PLXNC1: variants seen among roughly 807,000 people sequenced by gnomAD.
The protein encoded by PLXNC1 is plexin-C1.
In PLXNC1, 75 loss-of-function variants were observed where a neutral mutation model predicts 178.2. The ratio of observed to expected loss-of-function variants is 0.42; its 90% confidence interval spans 0.35 to 0.51. PLXNC1 has a LOEUF of 0.51. PLXNC1 is among the 20% of genes least tolerant of loss of function. The pLI, the probability that PLXNC1 is intolerant of heterozygous loss-of-function variation, is 0.02. For synonymous variants in PLXNC1, 790 were observed against 779.9 expected, an observed-to-expected ratio of 1.01 and a Z score of -0.22; for missense variants, 1,503 against 1,984.4, an observed-to-expected ratio of 0.76 and a Z score of 4.61.
At chr12:94,281,207 A>G (rs1311942793) in intron 22 of PLXNC1, among the ~76,000 whole-genome samples, 1 of 152,150 alleles carries the variant, frequency 6.6e-6, no homozygotes, top group Non-Finnish European at 1.5e-5. Context: ...TGAACCCGGG[A>G]GGCAGAGGTT....
Position 94,245,866 on chromosome 12 carries a change from C to G in PLXNC1, c.2388+1841C>G, listed in dbSNP as rs116699811. On this transcript the variant is annotated intron_variant, in intron 12 of 30. Transcript: ENST00000258526. ...AGCAGCGTCAGACTGAAAACTTTGC[C>G]CTTAATTCTGTAGGCAGCAGGGAGC... Among the ~76,000 whole-genome samples, 577 of 152,236 alleles carry G rather than the reference C, an allele frequency of 3.8e-3. 7 individuals are homozygous for G. Among genetic ancestry groups the G allele is most frequent in the African/African-American group, 0.012 (482 of 41,526 alleles).
intron 1 of PLXNC1, among the ~76,000 whole-genome samples, chr12:94,154,273 T>C (rs10745677): frequency 0.85 from 128,931 of 152,200 alleles, 54,650 homozygotes; most frequent in East Asian, 0.97. Context: ...GTTCCATAGC[T>C]GGAAAATAGC....
Position 94,160,195 on chromosome 12 carries a change from T to C in PLXNC1, c.1063-8958T>C, listed in dbSNP as rs552724533. 2.6e-3 allele frequency among the ~76,000 whole-genome samples: 401 copies of C among 152,286 alleles called. 3 individuals are homozygous for C. The highest frequency in any genetic ancestry group is 9.4e-3 in the African/African-American group (392 of 41,552). On this transcript the variant is annotated intron_variant, in intron 1 of 30. Transcript: ENST00000258526. ...GTGCACTGAGGGGAGTAGCCAGGTC[T>C]GGCTCATCTTTCTTTCCCAGGCATC...
chr12:94,216,994 G>A (rs865973077), intron 5 of PLXNC1, among the ~76,000 whole-genome samples: 8 of 152,084 alleles, frequency 5.3e-5, no homozygotes, highest in Admixed American at 2.0e-4. Context: ...CCCAAGTTAC[G>A]CAAAAATACC....
Position 94,220,151 on chromosome 12 carries a change from G to A in PLXNC1, c.1690G>A (p.Ala564Thr), listed in dbSNP as rs115551386. Residue 564 changes from alanine to threonine, a missense_variant, in exon 6 of 31, where the codon GCA becomes ACA. This residue lies in a region of PLXNC1 where 615 missense variants were observed against 698.6 expected (regional missense o/e 0.88). Transcript: ENST00000258526. ...CTGCACCTGTAGCATCCCAACCAGA[G>A]CAACCTACAAAGGTATGTGGATTCT... ...RTCTCSIPTR[A>T]TYKDVSVVNV... The A allele has an allele frequency of 6.2e-7, 1 of 1,613,734 alleles. No individual in the cohort carries two copies. Among genetic ancestry groups the A allele is most frequent in the Non-Finnish European group, 8.5e-7 (1 of 1,179,840 alleles).
intron 10 of PLXNC1, 127 bp from the exon 11 acceptor site, chr12:94,240,358 G>T (rs1445839688): frequency 1.0e-5 from 7 of 686,764 alleles, no homozygotes; most frequent in African/African-American, 5.5e-5. Context: ...GTCAGTAGTT[G>T]CCTGCAGCTG....
chr12:94,289,647 A>C (rs1264776713), intron 23 of PLXNC1, among the ~76,000 whole-genome samples: 1 of 152,206 alleles, frequency 6.6e-6, no homozygotes, highest in Non-Finnish European at 1.5e-5. Context: ...TCTGCATTCC[A>C]GGGCACTTTT....
chr12:94,277,250 T>A (rs1966033292), intron 21 of PLXNC1: 1 of 152,248 alleles, frequency 6.6e-6, no homozygotes, highest in African/African-American at 2.4e-5. Context: ...ATAAGGGCAC[T>A]AATCCCATTT....
chr12:94,259,726 G>A lies in PLXNC1; in HGVS notation c.3243G>A (p.Val1081=). ...TTGAAAAGCAGAAGAACTTTTCTGTGAAGGACAGGTATTAGTCCATTCTTT... is the reference window on the plus strand; with the variant it reads ...TTGAAAAGCAGAAGAACTTTTCTGTAAAGGACAGGTATTAGTCCATTCTTT... ...HTLEKQKNFS[V]KDRCLFASFL... is the part of the protein sequence containing the mutation. Residue 1081 remains valine (V), a synonymous_variant, in exon 19 of 31, where the codon GTG becomes GTA. Coordinates refer to ENST00000258526, the MANE Select transcript of PLXNC1 (RefSeq NM_005761.3). 1 of 1,608,158 alleles carries A rather than the reference G, an allele frequency of 6.2e-7. No individual in the cohort carries two copies. Among genetic ancestry groups the A allele is most frequent in the Non-Finnish European group, 8.5e-7 (1 of 1,177,830 alleles).
At chr12:94,240,866 C>A (rs1466465088) in intron 11 of PLXNC1, among the ~76,000 whole-genome samples, 1 of 152,204 alleles carries the variant, frequency 6.6e-6, no homozygotes, top group Non-Finnish European at 1.5e-5. Flanking sequence ...TATGAGCACA[C>A]CTTTTTCCCT....
chr12:94,297,114 T>C, intron 24 of PLXNC1, 75 bp from the exon 25 acceptor site: 1 of 1,469,746 alleles, frequency 6.8e-7, no homozygotes, highest in Non-Finnish European at 9.5e-7. Context: ...ATGGGGCCTT[T>C]TAAGAGAAGG....
intron 21 of PLXNC1, among the ~76,000 whole-genome samples, chr12:94,274,073 C>A (rs957884944): frequency 1.4e-5 from 2 of 145,836 alleles, no homozygotes; most frequent in African/African-American, 5.2e-5. Flanking sequence ...GTAATCCCAG[C>A]ACTTTGGGAA....
chr12:94,157,471 T>C (rs1036745229), intron 1 of PLXNC1, among the ~76,000 whole-genome samples: 1 of 152,222 alleles, frequency 6.6e-6, no homozygotes, highest in African/African-American at 2.4e-5. Context: ...GGCCATGGAA[T>C]GGTAGGTTTT....
intron 9 of PLXNC1, among the ~76,000 whole-genome samples, chr12:94,230,397 A>T (rs73366620): frequency 6.6e-6 from 1 of 152,122 alleles, no homozygotes; most frequent in African/African-American, 2.4e-5. Flanking sequence ...ATCTCTCTGC[A>T]CCCTTTGAAC....
chr12:94,259,891 T>A (rs1268184729), intron 19 of PLXNC1, among the ~76,000 whole-genome samples, 157 bp downstream of exon 19: 1 of 139,834 alleles, frequency 7.2e-6, no homozygotes, highest in East Asian at 2.0e-4. Flanking sequence ...AGCAAAACCT[T>A]GTCTCTACAA....
intron 4 of PLXNC1, among the ~76,000 whole-genome samples, chr12:94,196,519 T>C (rs1468892761): frequency 6.6e-6 from 1 of 152,180 alleles, no homozygotes; most frequent in Non-Finnish European, 1.5e-5. Flanking sequence ...GTACAGCCTG[T>C]AAAATCATGA....
intron 20 of PLXNC1, among the ~76,000 whole-genome samples, chr12:94,263,962 G>A (rs973609435): frequency 4.0e-5 from 6 of 151,366 alleles, no homozygotes; most frequent in Admixed American, 3.9e-4. Flanking sequence ...AGGGAAAGCA[G>A]GTGAGACCCA....
intron 23 of PLXNC1, among the ~76,000 whole-genome samples, chr12:94,284,691 G>A (rs575390858): frequency 3.3e-5 from 5 of 152,192 alleles, no homozygotes; most frequent in Admixed American, 3.3e-4. Flanking sequence ...GCCAGATTCG[G>A]ACCTGGATAG....
chr12:94,243,821 C>G (rs1403505728), intron 11 of PLXNC1, 117 bp from the exon 12 acceptor site: 2 of 474,918 alleles, frequency 4.2e-6, no homozygotes, highest in African/African-American at 4.0e-5. Context: ...CATTAATTTG[C>G]TCTCAAACAT....
Sources: allele counts gnomAD v4.1 joint callset (sites outside exome capture counted in the v4.1 genomes callset), GRCh38; gene constraint gnomAD v4.1.1; regional missense constraint gnomAD v4.1.1; transcripts MANE v1.5; gene names NCBI Gene and HGNC (gene_info 2026-07-23, HGNC 2026-07-21).